RAD51B: variants seen among roughly 807,000 people sequenced by gnomAD.
RAD51B encodes RAD51 paralog B, also known as DNA repair protein RAD51 homolog 2.
A neutral mutation model predicts 42.2 loss-of-function variants in RAD51B; 38 were observed. The observed-to-expected ratio is 0.90, with a 90% CI of 0.70 to 1.18. The LOEUF is 1.18. RAD51B is among the 50% of genes most tolerant of loss of function. The probability of loss-of-function intolerance (pLI) is 0.00; values close to 1 mark genes in which losing one functional copy is unlikely to be tolerated. For synonymous variants in RAD51B, 154 were observed against 145.2 expected (o/e 1.06, Z -0.43); for missense variants, 373 against 400.7 (o/e 0.93, Z 0.59).
intron 7 of RAD51B, among the ~76,000 whole-genome samples, chr14:68,190,553 G>A (rs1372961997): frequency 6.6e-6 from 1 of 151,916 alleles, no homozygotes; most frequent in East Asian, 1.9e-4. Context: ...GTATACAGTT[G>A]CCCTTCTTCC....
intron 7 of RAD51B, among the ~76,000 whole-genome samples, chr14:67,916,301 G>A (rs2044147992): frequency 6.8e-6 from 1 of 147,188 alleles, no homozygotes; most frequent in African/African-American, 2.5e-5. Flanking sequence ...GTTTTTTTTT[G>A]AGACTGGTCT....
At chr14:68,260,556 A>T (rs1317125176) in intron 7 of RAD51B, among the ~76,000 whole-genome samples, 2 of 152,166 alleles carry the variant, frequency 1.3e-5, no homozygotes, top group African/African-American at 4.8e-5. Flanking sequence ...TAGTTGGACA[A>T]AAAGCAGATA....
chr14:68,652,149 G>A (rs17835140), intron 11 of RAD51B, among the ~76,000 whole-genome samples: 72,926 of 152,018 alleles, frequency 0.48, 18,629 homozygotes, highest in East Asian at 0.88. Context: ...CCAACACGAC[G>A]CCAACTTCAC....
chr14:68,327,385 T>G (rs563205666), intron 8 of RAD51B, among the ~76,000 whole-genome samples: 55 of 149,556 alleles, frequency 3.7e-4, no homozygotes, highest in Admixed American at 1.1e-3. Context: ...TTTTGTTGTT[T>G]TTTTTTTTTT....
At chr14:68,117,953 C>T (rs1379294257) in intron 7 of RAD51B, among the ~76,000 whole-genome samples, 1 of 152,162 alleles carries the variant, frequency 6.6e-6, no homozygotes, top group African/African-American at 2.4e-5. Context: ...CTTAAAGTCG[C>T]ACTACATTTT....
intron 7 of RAD51B, among the ~76,000 whole-genome samples, chr14:68,140,632 C>G (rs1490868202): frequency 6.6e-6 from 1 of 152,202 alleles, no homozygotes; most frequent in Non-Finnish European, 1.5e-5. Flanking sequence ...GATGCAAAGC[C>G]AAATTCACGT....
At chr14:68,116,537 C>T (rs998829607) in intron 7 of RAD51B, among the ~76,000 whole-genome samples, 3 of 151,940 alleles carry the variant, frequency 2.0e-5, no homozygotes, top group South Asian at 2.1e-4. Flanking sequence ...ATCTGCCCTT[C>T]GATTAGTGAG....
intron 9 of RAD51B, among the ~76,000 whole-genome samples, chr14:68,433,554 A>T (rs2085068255): frequency 6.6e-6 from 1 of 152,180 alleles, no homozygotes; most frequent in Non-Finnish European, 1.5e-5. Flanking sequence ...CCTGAAGCTT[A>T]TGCATTCATC....
intron 7 of RAD51B, among the ~76,000 whole-genome samples, chr14:68,265,231 T>C (rs2080966853): frequency 6.6e-6 from 1 of 152,244 alleles, no homozygotes; most frequent in Non-Finnish European, 1.5e-5. Context: ...GCAGAGTTAC[T>C]GTATGTTTCA....
rs144406226 is a variant in RAD51B, at chr14:68,091,408, A to C, written c.757-200476A>C. Among the ~76,000 whole-genome samples, 773 of 152,290 alleles carry C rather than the reference A, an allele frequency of 5.1e-3. 15 individuals carry two copies. The East Asian group carries it at 0.056, about 11-fold the overall frequency. The stretch of plus-strand genomic sequence containing the variant: ...TGATCGCCATACTAACTGGTGTGAG[A>C]TGGTATCTCATTGTGGTTTTGATTT... On this transcript the variant is annotated intron_variant, in intron 7 of 10. Coordinates refer to ENST00000471583, the MANE Select transcript of RAD51B (RefSeq NM_133510.4).
chr14:68,436,635 A>T (rs1354980156), intron 9 of RAD51B, among the ~76,000 whole-genome samples: 2 of 152,118 alleles, frequency 1.3e-5, no homozygotes, highest in Non-Finnish European at 2.9e-5. Flanking sequence ...AATGATATTG[A>T]TTATTCTAAT....
chr14:68,172,182 C>T (rs1187862921), intron 7 of RAD51B, among the ~76,000 whole-genome samples: 1 of 152,184 alleles, frequency 6.6e-6, no homozygotes, highest in Non-Finnish European at 1.5e-5. Context: ...TTTACCTTCC[C>T]TCCTCCCTTA....
intron 8 of RAD51B, among the ~76,000 whole-genome samples, chr14:68,294,619 A>C (rs1344455256): frequency 2.0e-5 from 3 of 152,252 alleles, no homozygotes; most frequent in African/African-American, 7.2e-5. Flanking sequence ...GAAGAATACA[A>C]GATTGCTAAA....
intron 8 of RAD51B, among the ~76,000 whole-genome samples, chr14:68,324,583 T>C (rs1419092493): frequency 6.6e-6 from 1 of 152,208 alleles, no homozygotes; most frequent in African/African-American, 2.4e-5. Context: ...ACTTTTTTCC[T>C]TTTATGTTAT....
intron 7 of RAD51B, among the ~76,000 whole-genome samples, chr14:67,989,087 G>A (rs2075244478): frequency 6.6e-6 from 1 of 152,200 alleles, no homozygotes; most frequent in African/African-American, 2.4e-5. Context: ...AGAATTCTAT[G>A]TGGTGGTTTC....
intron 7 of RAD51B, among the ~76,000 whole-genome samples, chr14:68,227,660 T>C (rs2080065855): frequency 6.6e-6 from 1 of 152,178 alleles, no homozygotes; most frequent in African/African-American, 2.4e-5. Context: ...CAGGTCTTTT[T>C]AAATTGTGCT....
intron 8 of RAD51B, among the ~76,000 whole-genome samples, chr14:68,342,185 C>T (rs1316644711): frequency 6.6e-6 from 1 of 152,186 alleles, no homozygotes; most frequent in Non-Finnish European, 1.5e-5. Flanking sequence ...TCTTTTATCT[C>T]TTTATTTCCA....
chr14:67,956,163 C>G (rs1186283956), intron 7 of RAD51B, among the ~76,000 whole-genome samples: 2 of 152,104 alleles, frequency 1.3e-5, no homozygotes, highest in Non-Finnish European at 2.9e-5. Flanking sequence ...TTTTAAGAGT[C>G]AGTATTCCCT....
chr14:67,988,425 C>T (rs527721399), intron 7 of RAD51B, among the ~76,000 whole-genome samples: 6 of 152,066 alleles, frequency 3.9e-5, no homozygotes, highest in African/African-American at 1.2e-4. Context: ...CACCACTGCA[C>T]TGCAGCCTAG....
Sources: gnomAD v4.1 joint callset for allele counts (sites outside exome capture counted in the v4.1 genomes callset) on GRCh38, gnomAD v4.1.1 for gene constraint, MANE v1.5 for transcripts, NCBI Gene and HGNC (gene_info 2026-07-23, HGNC 2026-07-21) for gene names.